ADK: variants seen among roughly 807,000 people sequenced by gnomAD.
ADK encodes the protein N6,N6-dimethyladenosine kinase.
Under a neutral mutation model 44.7 loss-of-function variants are expected in ADK, and 24 were observed. The ratio of observed to expected loss-of-function variants is 0.54; its 90% CI spans 0.39 to 0.76. The LOEUF (loss-of-function observed/expected upper bound fraction) is 0.76. Among genes scored for constraint, ADK ranks in the 30% least tolerant of loss-of-function variants. The pLI is 0.00. For synonymous variants in ADK, 128 were observed against 142.6 expected (o/e 0.90, Z 0.73); for missense variants, 321 against 425.1 (o/e 0.76, Z 2.15).
chr10:74,429,542 G>A (rs914271343), intron 6 of ADK, among the ~76,000 whole-genome samples: 1 of 152,168 alleles, frequency 6.6e-6, no homozygotes, highest in Admixed American at 6.5e-5. Context: ...AGGGAAGAAA[G>A]AGATTTAAAA....
chr10:74,176,914 C>T (rs368649474), intron 1 of ADK: 20 of 1,609,454 alleles, frequency 1.2e-5, no homozygotes, highest in Non-Finnish European at 1.7e-5. Context: ...GCCTTGACTG[C>T]TCCGAGCTGG....
intron 6 of ADK, among the ~76,000 whole-genome samples, chr10:74,434,958 A>G (rs1027492760): frequency 6.6e-6 from 1 of 152,212 alleles, no homozygotes; most frequent in Non-Finnish European, 1.5e-5. Context: ...TAAACTAGTT[A>G]TGCACAGTAG....
chr10:74,204,066 A>G (rs1007423001), intron 2 of ADK, among the ~76,000 whole-genome samples: 1 of 143,068 alleles, frequency 7.0e-6, no homozygotes, highest in Non-Finnish European at 1.5e-5. Context: ...AAGCGATTCT[A>G]CTGCCTCAGC....
chr10:74,408,329 A>G (rs1844031207), intron 6 of ADK, among the ~76,000 whole-genome samples: 1 of 152,196 alleles, frequency 6.6e-6, no homozygotes, highest in Non-Finnish European at 1.5e-5. Flanking sequence ...ATTTATCTCT[A>G]TGCGAATTCT....
intron 4 of ADK, among the ~76,000 whole-genome samples, chr10:74,343,630 C>T (rs564830769): frequency 4.1e-4 from 62 of 152,156 alleles, no homozygotes; most frequent in Middle Eastern, 3.4e-3. Flanking sequence ...TTTTTTGAGA[C>T]GGAGTTTCGC....
rs373903890 is a variant in ADK, at chr10:74,220,441, A to G, written c.141-4097A>G. On this transcript the variant is annotated intron_variant, in intron 2 of 10. Transcript: ENST00000539909. ...TTCACAGCCGAATTCTACCAGAGGT[A>G]CAAGGAGGAACTGGTACCATTCCTT... is the stretch of plus-strand genomic sequence containing the variant. Among the ~76,000 whole-genome samples the G allele has an allele frequency of 1.5e-3, 231 of 152,238 alleles. 1 individual carries two copies. The East Asian group carries it at 0.026, about 17-fold the overall frequency.
At chr10:74,398,346 C>A in intron 5 of ADK, 125 bp from the exon 6 acceptor site, 1 of 500,924 alleles carries the variant, frequency 2.0e-6, no homozygotes, top group Non-Finnish European at 3.5e-6. Context: ...AAATCAATAA[C>A]ATTAGTTTTG....
chr10:74,431,633 C>T (rs530938440), intron 6 of ADK, among the ~76,000 whole-genome samples: 3 of 151,910 alleles, frequency 2.0e-5, no homozygotes, highest in African/African-American at 4.8e-5. Flanking sequence ...CTCAGTTGCT[C>T]GGGAGGCTGA....
chr10:74,508,726 T>C (rs900834237), intron 6 of ADK, among the ~76,000 whole-genome samples: 4 of 152,182 alleles, frequency 2.6e-5, no homozygotes, highest in African/African-American at 7.2e-5. Context: ...TCTTTTTTTA[T>C]TTTTCATATC....
intron 1 of ADK, among the ~76,000 whole-genome samples, chr10:74,169,331 T>G (rs1211556454): frequency 6.6e-6 from 1 of 152,268 alleles, no homozygotes; most frequent in Non-Finnish European, 1.5e-5. Flanking sequence ...ATCCCTTTTC[T>G]GTTGTGAAAT....
At chr10:74,287,844 T>C (rs1847239116) in intron 3 of ADK, among the ~76,000 whole-genome samples, 1 of 151,716 alleles carries the variant, frequency 6.6e-6, no homozygotes. Flanking sequence ...TAGCTGGGCA[T>C]GGTGGTACAT....
At chr10:74,277,949 A>G (rs1846767142) in intron 3 of ADK, among the ~76,000 whole-genome samples, 1 of 152,180 alleles carries the variant, frequency 6.6e-6, no homozygotes. Context: ...TATATTCCAT[A>G]TATCATTATA....
chr10:74,214,018 G>A (rs1397137991), intron 2 of ADK, among the ~76,000 whole-genome samples: 2 of 152,254 alleles, frequency 1.3e-5, no homozygotes, highest in African/African-American at 4.8e-5. Flanking sequence ...AAAGAGTATA[G>A]TTCTATTTTA....
At chr10:74,403,610 G>A (rs1843795488) in intron 6 of ADK, among the ~76,000 whole-genome samples, 1 of 152,180 alleles carries the variant, frequency 6.6e-6, no homozygotes, top group African/African-American at 2.4e-5. Flanking sequence ...CGCAGTATTA[G>A]GGTGAGAGTG....
chr10:74,687,143 CAAA>C (rs1855825606), intron 10 of ADK, among the ~76,000 whole-genome samples: 1 of 152,200 alleles, frequency 6.6e-6, no homozygotes, highest in South Asian at 2.1e-4. Context: ...AGAGGGGTCT[CAAA>C]GAAGTCTCAG....
rs540759983 is a variant in ADK at position 74,264,580 on chromosome 10, A to T, written c.194+39989A>T. On this transcript the variant is annotated intron_variant, in intron 3 of 10. Transcript: ENST00000539909. Reference sequence around the variant, plus strand: ...GCCATATATCTGTGCCTAGTATGTGACTTGTCTTTCATTTTGTGGTGTCTT... The same window carrying T: ...GCCATATATCTGTGCCTAGTATGTGTCTTGTCTTTCATTTTGTGGTGTCTT... Among the ~76,000 whole-genome samples, 13 of 152,144 alleles carry T rather than the reference A, an allele frequency of 8.5e-5. No individual in the cohort carries two copies. In the South Asian group the frequency reaches 2.1e-3, roughly 24 times the overall value.
At chr10:74,182,697 A>C (rs1842605677) in intron 1 of ADK, among the ~76,000 whole-genome samples, 1 of 152,170 alleles carries the variant, frequency 6.6e-6, no homozygotes, top group Non-Finnish European at 1.5e-5. Flanking sequence ...TCAGCTGTTA[A>C]TGCTCCTATT....
chr10:74,411,671 T>C (rs1284184564), intron 6 of ADK, among the ~76,000 whole-genome samples: 2 of 152,168 alleles, frequency 1.3e-5, no homozygotes. Flanking sequence ...CTTCTGAAGG[T>C]TGGGGTAGCT....
chr10:74,437,373 C>A (rs1401044086), intron 6 of ADK, among the ~76,000 whole-genome samples: 1 of 152,018 alleles, frequency 6.6e-6, no homozygotes, highest in East Asian at 1.9e-4. Flanking sequence ...ACTTAATGAC[C>A]AACTGGTTAT....
Sources: gnomAD v4.1 joint callset for allele counts (sites outside exome capture counted in the v4.1 genomes callset) on GRCh38, gnomAD v4.1.1 for gene constraint, MANE v1.5 for transcripts, NCBI Gene and HGNC (gene_info 2026-07-23, HGNC 2026-07-21) for gene names.